Variants in DNAH14 observed in about 807,000 individuals in gnomAD.
DNAH14 encodes dynein axonemal heavy chain 14.
DNAH14 carries 478 observed loss-of-function variants against 520.9 expected under a neutral mutation model. That is an observed-to-expected ratio of 0.92 (90% CI 0.85 to 0.99). The LOEUF (loss-of-function observed/expected upper bound fraction) is 0.99. Among genes scored for constraint, DNAH14 ranks in the 50% least tolerant of loss-of-function variants. The pLI is 0.00. For missense variants in DNAH14, 4,831 were observed against 5,234.5 expected, an observed-to-expected ratio of 0.92 and a Z score of 2.38; for synonymous variants, 1,581 against 1,757.2, an observed-to-expected ratio of 0.90 and a Z score of 2.51.
chr1:225,173,474 G>A (rs970911714), intron 36 of DNAH14, among the ~76,000 whole-genome samples: 18 of 152,156 alleles, frequency 1.2e-4, no homozygotes, highest in Admixed American at 1.1e-3. Flanking sequence ...CTTCTCAAAA[G>A]AAGACATTTT....
chr1:225,215,966 A>C lies in DNAH14; in HGVS notation c.6439+8746A>C, dbSNP rs1317115694. On this transcript the variant is annotated intron_variant, in intron 41 of 85. Transcript: ENST00000682510. The stretch of plus-strand genomic sequence containing the variant: ...ATGTTAGCTAGTTATTTTGCTCGTT[A>C]GTTGATGCAGTTTCTTCCTAGCCTC... Among the ~76,000 whole-genome samples the C allele has an allele frequency of 2.0e-5, 3 of 152,150 alleles. No individual in the cohort carries two copies. The East Asian group carries it at 5.8e-4, about 29-fold the overall frequency.
Position 225,346,255 on chromosome 1 carries a change from G to A in DNAH14, c.10972G>A (p.Val3658Met). 1 of 1,551,510 alleles carries A rather than the reference G, an allele frequency of 6.4e-7. No individual in the cohort carries two copies. Among genetic ancestry groups the A allele is most frequent in the Non-Finnish European group, 8.7e-7 (1 of 1,146,934 alleles). The change falls in exon 70 of 86, where the codon GTG becomes ATG. Residue 3658 changes from valine (V) to methionine (M), a missense_variant. Transcript: ENST00000682510. ...AGAACATAGTTTTAAAAGGGAGAAA[G>A]TGTCTCCAAAAGAAGTTCATGAGTT... ...EQEHSFKREKVSPKEVHEFIS... is the reference protein window; with the variant it reads ...EQEHSFKREKMSPKEVHEFIS...
chr1:224,956,555 G>A (rs2060526617), intron 3 of DNAH14, among the ~76,000 whole-genome samples: 2 of 152,094 alleles, frequency 1.3e-5, no homozygotes, highest in Non-Finnish European at 2.9e-5. Context: ...CTAGGTTTGT[G>A]TAAGTGCACT....
chr1:225,167,137 A>T (rs571712197), intron 35 of DNAH14, among the ~76,000 whole-genome samples: 7 of 152,294 alleles, frequency 4.6e-5, no homozygotes, highest in African/African-American at 1.7e-4. Flanking sequence ...TCTTTTAAAA[A>T]ATTCTGTCAA....
chr1:224,987,614 G>A (rs920496087), intron 8 of DNAH14, among the ~76,000 whole-genome samples: 7 of 151,998 alleles, frequency 4.6e-5, no homozygotes, highest in African/African-American at 1.4e-4. Context: ...GAGGAAATCA[G>A]GTTGAATTCT....
At chr1:225,244,533 T>C (rs1234763397) in intron 43 of DNAH14, among the ~76,000 whole-genome samples, 1 of 152,166 alleles carries the variant, frequency 6.6e-6, no homozygotes, top group Non-Finnish European at 1.5e-5. Context: ...TTTCAGAACT[T>C]GTTATTGGTC....
chr1:224,985,968 G>T (rs909503911), intron 8 of DNAH14, among the ~76,000 whole-genome samples: 1 of 151,984 alleles, frequency 6.6e-6, no homozygotes, highest in Non-Finnish European at 1.5e-5. Context: ...TTAAAAAAGA[G>T]CTGGGGTAGA....
chr1:225,013,826 G>A (rs747694776), intron 10 of DNAH14, among the ~76,000 whole-genome samples: 23 of 152,156 alleles, frequency 1.5e-4, no homozygotes, highest in Non-Finnish European at 2.8e-4. Context: ...GAGCATCCCA[G>A]GTCGACTTCA....
At chr1:224,932,996 T>C (rs1043592570) in intron 1 of DNAH14, among the ~76,000 whole-genome samples, 11 of 152,116 alleles carry the variant, frequency 7.2e-5, no homozygotes, top group Non-Finnish European at 1.5e-4. Context: ...AGGAATTGCA[T>C]TGAATCTGTA....
At chr1:225,278,898 CCT>C (rs1169366463) in intron 54 of DNAH14, among the ~76,000 whole-genome samples, 1 of 152,162 alleles carries the variant, frequency 6.6e-6, no homozygotes, top group East Asian at 1.9e-4. Context: ...ACCTATCTTC[CCT>C]CTCAGAGCCC....
At chr1:224,962,937 A>G (rs918355628) in intron 4 of DNAH14, among the ~76,000 whole-genome samples, 1 of 152,150 alleles carries the variant, frequency 6.6e-6, no homozygotes, top group Non-Finnish European at 1.5e-5. Flanking sequence ...ACGATATTAC[A>G]CAAGGGGAAT....
At chr1:225,037,598 T>C (rs894616096) in intron 11 of DNAH14, among the ~76,000 whole-genome samples, 2 of 152,162 alleles carry the variant, frequency 1.3e-5, no homozygotes, top group African/African-American at 4.8e-5. Flanking sequence ...TCTTGAAAAA[T>C]TGTAGTTCTT....
At position 225,129,155 on chromosome 1, in the gene DNAH14, A is replaced by G. The variant is rs2078097886; in HGVS notation, c.4254+5541A>G. 3.3e-5 allele frequency among the ~76,000 whole-genome samples: 5 copies of G among 152,010 alleles called. 1 individual carries two copies. The South Asian group carries it at 1.0e-3, about 32-fold the overall frequency. On this transcript the variant is annotated intron_variant, in intron 27 of 85. Transcript: ENST00000682510. ...AAGGAGAACTACAAACCACTGCTCA[A>G]TGAAATAAAAGAGGATACAAACAAA...
intron 50 of DNAH14, 65 bp downstream of exon 50, chr1:225,270,931 A>G: frequency 6.9e-7 from 1 of 1,450,034 alleles, no homozygotes; most frequent in Non-Finnish European, 9.3e-7. Flanking sequence ...AAAATACGAG[A>G]ACTTAAATCC....
intron 17 of DNAH14, 117 bp downstream of exon 17, chr1:225,051,912 TG>T: frequency 1.4e-6 from 1 of 706,806 alleles, no homozygotes; most frequent in Non-Finnish European, 2.1e-6. Flanking sequence ...ATGATAAAGG[TG>T]AAAAAATGAA....
chr1:225,241,101 C>T (rs1477699539), intron 43 of DNAH14, among the ~76,000 whole-genome samples: 2 of 152,120 alleles, frequency 1.3e-5, no homozygotes. Context: ...TGCTGTGTTT[C>T]TGGATCTGTA....
intron 1 of DNAH14, among the ~76,000 whole-genome samples, chr1:224,946,042 A>C (rs1364212947): frequency 5.9e-5 from 9 of 152,224 alleles, no homozygotes; most frequent in Admixed American, 3.9e-4. Flanking sequence ...TTAAGTCTGC[A>C]GAGGTTTCTG....
chr1:225,220,998 C>A (rs2089998896), intron 41 of DNAH14, among the ~76,000 whole-genome samples: 1 of 152,140 alleles, frequency 6.6e-6, no homozygotes, highest in Non-Finnish European at 1.5e-5. Flanking sequence ...AGAAATAACA[C>A]CACACATCTA....
intron 8 of DNAH14, among the ~76,000 whole-genome samples, chr1:224,976,507 A>G (rs576914716): frequency 6.6e-6 from 1 of 152,222 alleles, no homozygotes; most frequent in Non-Finnish European, 1.5e-5. Flanking sequence ...TAAACTAAAG[A>G]GCTTCTGCAC....
Sources: gnomAD v4.1 joint callset for allele counts (sites outside exome capture counted in the v4.1 genomes callset) on GRCh38, gnomAD v4.1.1 for gene constraint, MANE v1.5 for transcripts, NCBI Gene and HGNC (gene_info 2026-07-23, HGNC 2026-07-21) for gene names.